TMC7: variants seen among roughly 807,000 people sequenced by gnomAD.
TMC7 encodes the protein transmembrane channel-like protein 7.
Under a neutral mutation model 82.9 loss-of-function variants are expected in TMC7, and 54 were observed. That is an observed-to-expected ratio of 0.65 (90% confidence interval 0.52 to 0.82). TMC7 has a LOEUF of 0.82. Ranked by LOEUF, TMC7 falls within the 40% of genes least tolerant of loss-of-function variation. The pLI is 0.00. For missense variants in TMC7, 820 were observed against 901.2 expected (o/e 0.91, Z 1.15); for synonymous variants, 350 against 337.9 (o/e 1.04, Z -0.39).
intron 13 of TMC7, among the ~76,000 whole-genome samples, chr16:19,054,730 A>C (rs1961691903): frequency 2.2e-5 from 3 of 134,582 alleles, no homozygotes; most frequent in Admixed American, 7.7e-5. Flanking sequence ...AAAAAAAAGC[A>C]TGGGATTTGC....
intron 1 of TMC7, among the ~76,000 whole-genome samples, chr16:19,007,887 G>A (rs1314778319): frequency 6.6e-6 from 1 of 151,786 alleles, no homozygotes; most frequent in Non-Finnish European, 1.5e-5. Flanking sequence ...TGCCGCGTGA[G>A]TAGGGCACTT....
At chr16:19,016,739 T>G in intron 3 of TMC7, 141 bp downstream of exon 3, 1 of 924,244 alleles carries the variant, frequency 1.1e-6, no homozygotes, top group East Asian at 2.7e-5. Context: ...CACAGCAAGG[T>G]TTAGCAGAAC....
In TMC7 at chr16:19,035,676, G is replaced by T; in HGVS notation, c.858G>T (p.Arg286Ser). The T allele has an allele frequency of 6.2e-7, 1 of 1,614,168 alleles. No homozygotes were observed. The highest frequency in any genetic ancestry group is 8.5e-7 in the Non-Finnish European group (1 of 1,180,024). Reference sequence around the variant, plus strand: ...AAGGATGATTGTGTTTTGGGGTCAGGTCGGTGGAAGGATTCAAAATCAACC... The same window carrying T: ...AAGGATGATTGTGTTTTGGGGTCAGTTCGGTGGAAGGATTCAAAATCAACC... ...LALSLLWIVK[R>S]SVEGFKINLI... Residue 286 changes from arginine (R) to serine (S), a missense_variant and splice_region_variant, in exon 7 of 16, where the codon AGG becomes AGT. Arg to Ser is a moderately radical substitution (Grantham distance 110). Around this residue, in one of 2 missense-constraint regions of TMC7, gnomAD observed 650 missense variants for 669.9 expected, o/e 0.97. Coordinates refer to ENST00000304381, the MANE Select transcript of TMC7 (RefSeq NM_024847.4).
Position 19,047,260 on chromosome 16 carries a change from G to A in TMC7, c.1740+11G>A, listed in dbSNP as rs368546718. 10 of 1,610,870 alleles carry A rather than the reference G, an allele frequency of 6.2e-6. No homozygotes were observed. Among genetic ancestry groups the A allele is most frequent in the African/African-American group, 4.0e-5 (3 of 74,950 alleles). On this transcript the variant is annotated intron_variant, in intron 12 of 15. Coordinates refer to ENST00000304381, the MANE Select transcript of TMC7 (RefSeq NM_024847.4). ...TTCTATGTGAAAGAGGTAAGGAGCC[G>A]GTGGGAATGGGGGCTCATATACTGG...
intron 15 of TMC7, among the ~76,000 whole-genome samples, chr16:19,060,195 G>A (rs1961942311): frequency 6.6e-6 from 1 of 152,010 alleles, no homozygotes; most frequent in African/African-American, 2.4e-5. Context: ...CTTCTTTGAG[G>A]AGGTGATTTT....
chr16:19,040,469 C>A, intron 9 of TMC7, 23 bp downstream of exon 9: 4 of 1,597,512 alleles, frequency 2.5e-6, no homozygotes, highest in Non-Finnish European at 3.4e-6. Context: ...ATGAAGATGG[C>A]AGGCATGTCA....
intron 12 of TMC7, among the ~76,000 whole-genome samples, chr16:19,051,059 C>T (rs1243882618): frequency 1.3e-5 from 2 of 152,098 alleles, no homozygotes; most frequent in African/African-American, 2.4e-5. Context: ...GCCACGAGCC[C>T]CCACTGATAG....
rs777684436 is a variant in TMC7 at position 19,061,890 on chromosome 16, C to T, written c.*47C>T. On this transcript the variant is annotated 3_prime_UTR_variant, in exon 16 of 16. Coordinates refer to ENST00000304381, the MANE Select transcript of TMC7 (RefSeq NM_024847.4). Reference sequence around the variant, plus strand: ...TGCTGCCTGTTGCTTCTAAGCTGACCTAGTGATTCTGCTGAGCCTACAGAG... The same window carrying T: ...TGCTGCCTGTTGCTTCTAAGCTGACTTAGTGATTCTGCTGAGCCTACAGAG... The T allele has an allele frequency of 3.9e-6, 6 of 1,528,538 alleles. No homozygotes were observed. Among genetic ancestry groups the T allele is most frequent in the South Asian group, 1.2e-5 (1 of 86,028 alleles). 94.7% of individuals were successfully genotyped at this position (1,528,538 alleles called of 1,614,324 possible).
intron 14 of TMC7, among the ~76,000 whole-genome samples, chr16:19,058,888 C>CA (rs1208229505): frequency 6.6e-6 from 1 of 151,512 alleles, no homozygotes; most frequent in Non-Finnish European, 1.5e-5. Flanking sequence ...TTTTCTTTTC[C>CA]TTTTTTTTAG....
intron 2 of TMC7, among the ~76,000 whole-genome samples, chr16:19,011,202 G>A (rs1301117763): frequency 6.6e-6 from 1 of 152,170 alleles, no homozygotes; most frequent in African/African-American, 2.4e-5. Flanking sequence ...AGGCTGGGAA[G>A]TGTCTCCAGC....
intron 1 of TMC7, among the ~76,000 whole-genome samples, chr16:19,004,553 C>T (rs900550200): frequency 2.6e-5 from 4 of 152,008 alleles, no homozygotes; most frequent in South Asian, 2.1e-4. Context: ...TTAATAGAGA[C>T]GGGGTTTCAC....
chr16:19,054,716 CAA>C (rs1183741068), intron 13 of TMC7, among the ~76,000 whole-genome samples: 1 of 101,698 alleles, frequency 9.8e-6, no homozygotes. Context: ...AACTCTGTCT[CAA>C]AAAAAAAAAG....
Position 19,059,404 on chromosome 16 carries a change from CTTGTG to C in TMC7, c.2028-8_2028-4del, listed in dbSNP as rs1961906179. ...CCAGACTCCCTTGTGACCTGTCTGT[CTTGTG>C]TTGCAGCCTCATCATGTTTTACTTC... On this transcript the variant is annotated splice_polypyrimidine_tract_variant and splice_region_variant and intron_variant, in intron 14 of 15. Coordinates refer to ENST00000304381, the MANE Select transcript of TMC7 (RefSeq NM_024847.4). 6.2e-7 allele frequency: 1 copy of C among 1,612,444 alleles called. No homozygotes were observed. Among genetic ancestry groups the C allele is most frequent in the Non-Finnish European group, 8.5e-7 (1 of 1,179,046 alleles).
intron 1 of TMC7, among the ~76,000 whole-genome samples, chr16:18,985,647 T>C (rs910130294): frequency 6.6e-6 from 1 of 152,046 alleles, no homozygotes; most frequent in Non-Finnish European, 1.5e-5. Flanking sequence ...TCAGGAGGAC[T>C]ATAATTGGGC....
At chr16:19,032,955 C>T (rs1436209021) in intron 6 of TMC7, among the ~76,000 whole-genome samples, 1 of 152,082 alleles carries the variant, frequency 6.6e-6, no homozygotes, top group African/African-American at 2.4e-5. Flanking sequence ...AGTTGCACAG[C>T]GAATCTACCT....
At chr16:19,011,506 A>AAAAT (rs58092157) in intron 2 of TMC7, among the ~76,000 whole-genome samples, 74,652 of 137,602 alleles carry the variant, frequency 0.54, 22,230 homozygotes, top group East Asian at 0.7. Flanking sequence ...CTGTCTTTAC[A>AAAAT]AAATAAATAA....
At chr16:19,045,490 C>A in intron 11 of TMC7, 52 bp downstream of exon 11, 1 of 1,175,902 alleles carries the variant, frequency 8.5e-7, no homozygotes, top group Non-Finnish European at 1.3e-6. Context: ...CATGCACACA[C>A]ACACATACAC....
At chr16:19,055,783 G>A (rs985168363) in intron 13 of TMC7, among the ~76,000 whole-genome samples, 3 of 152,104 alleles carry the variant, frequency 2.0e-5, no homozygotes, top group Non-Finnish European at 4.4e-5. Context: ...CTAGGTAAAT[G>A]TGTGCCATGG....
At chr16:19,039,182 C>T (rs1487991257) in intron 8 of TMC7, among the ~76,000 whole-genome samples, 2 of 151,774 alleles carry the variant, frequency 1.3e-5, no homozygotes, top group African/African-American at 2.4e-5. Context: ...CCTCCACCTC[C>T]CGGGTTCAAG....
Sources: gnomAD v4.1 joint callset for allele counts (sites outside exome capture counted in the v4.1 genomes callset) on GRCh38, gnomAD v4.1.1 for gene constraint, gnomAD v4.1.1 regional missense constraint, MANE v1.5 for transcripts, NCBI Gene and HGNC (gene_info 2026-07-23, HGNC 2026-07-21) for gene names.